The following PACRG variants were observed in gnomAD, a reference collection of about 807,000 sequenced individuals.
PACRG encodes the protein parkin coregulated gene protein.
A neutral mutation model predicts 29.7 loss-of-function variants in PACRG; 29 were observed. That is an observed-to-expected ratio of 0.98 (90% confidence interval 0.73 to 1.33). PACRG has a LOEUF of 1.33. PACRG is among the 40% of genes most tolerant of loss of function. The pLI, the probability that PACRG is intolerant of heterozygous loss-of-function variation, is 0.00. For missense variants in PACRG, 279 were observed against 316.2 expected, an observed-to-expected ratio of 0.88 and a Z score of 0.89; for synonymous variants, 116 against 118.7, an observed-to-expected ratio of 0.98 and a Z score of 0.15.
At chr6:162,924,950 A>C (rs1301341551) in intron 2 of PACRG, among the ~76,000 whole-genome samples, 1 of 152,126 alleles carries the variant, frequency 6.6e-6, no homozygotes, top group Non-Finnish European at 1.5e-5. Context: ...AGAGAGAAGA[A>C]TGAAATAGAC....
intron 2 of PACRG, among the ~76,000 whole-genome samples, chr6:162,985,843 A>G (rs1175835584): frequency 1.3e-5 from 2 of 152,148 alleles, no homozygotes; most frequent in Non-Finnish European, 2.9e-5. Flanking sequence ...GAACTGGTAA[A>G]TGAATTCAGC....
At chr6:162,727,516 GCGGCGCGGGCCGGGGA>G, upstream of PACRG, 1 of 892,920 alleles carries the variant, frequency 1.1e-6, no homozygotes, top group Admixed American at 2.5e-5. Context: ...GGGGAGCCCG[GCGGCGCGGGCCGGGGA>G]CGGCACGGGC....
At chr6:162,746,681 C>G (rs1781010404) in intron 1 of PACRG, among the ~76,000 whole-genome samples, 1 of 152,162 alleles carries the variant, frequency 6.6e-6, no homozygotes, top group South Asian at 2.1e-4. Flanking sequence ...TCTCCCCTCC[C>G]CTCGGTGCTT....
intron 1 of PACRG, among the ~76,000 whole-genome samples, chr6:162,748,886 A>G (rs1781300825): frequency 6.6e-6 from 1 of 152,234 alleles, no homozygotes; most frequent in South Asian, 2.1e-4. Context: ...AAGCCTTGAC[A>G]GCAATCAAGA....
At chr6:162,803,146 G>A (rs546216869) in intron 1 of PACRG, among the ~76,000 whole-genome samples, 2 of 152,238 alleles carry the variant, frequency 1.3e-5, no homozygotes, top group Admixed American at 6.5e-5. Context: ...TTCACAGTAG[G>A]GATGTGGTTT....
chr6:163,149,512 C>T (rs935150316), intron 4 of PACRG, among the ~76,000 whole-genome samples: 2 of 152,154 alleles, frequency 1.3e-5, no homozygotes, highest in African/African-American at 4.8e-5. Context: ...CTTTTCTATC[C>T]ACCGCGAGCT....
At chr6:162,933,844 C>T (rs1211403237) in intron 2 of PACRG, among the ~76,000 whole-genome samples, 2 of 152,038 alleles carry the variant, frequency 1.3e-5, no homozygotes, top group Admixed American at 6.6e-5. Context: ...AGGCTACTTT[C>T]ATCATGGTGG....
At chr6:162,944,792 G>T (rs1292384580) in intron 2 of PACRG, among the ~76,000 whole-genome samples, 1 of 151,536 alleles carries the variant, frequency 6.6e-6, no homozygotes, top group East Asian at 1.9e-4. Context: ...AAAGGAAAAA[G>T]GATTAAAAAA....
chr6:163,024,663 G>A (rs1020005556), intron 2 of PACRG, among the ~76,000 whole-genome samples: 1 of 152,142 alleles, frequency 6.6e-6, no homozygotes, highest in African/African-American at 2.4e-5. Context: ...GATTTGGACA[G>A]TATGACCATT....
At chr6:162,784,852 G>C (rs57596205) in intron 1 of PACRG, among the ~76,000 whole-genome samples, 6,529 of 152,192 alleles carry the variant, frequency 0.043, 472 homozygotes, top group African/African-American at 0.15. Flanking sequence ...GACATTACAA[G>C]AAAGAGGTGA....
rs1791068046 is a variant in PACRG, at chr6:162,853,099, G to A, written c.291+38818G>A. Among the ~76,000 whole-genome samples the A allele has an allele frequency of 1.3e-5, 2 of 152,186 alleles. No homozygotes were observed. The highest frequency in any genetic ancestry group is 2.9e-5 in the Non-Finnish European group (2 of 68,040). ...GATTTCCTTCTTTTGTAAAGCGGCA[G>A]AACTATTGTGAAAGGGGAGTAGAGA... On this transcript the variant is annotated intron_variant, in intron 2 of 4. Coordinates refer to ENST00000366888, the MANE Select transcript of PACRG (RefSeq NM_001080379.2). This position sits in a 1 kb window ranked among gnomAD's most constrained non-coding sequence, Gnocchi z 4.7.
At chr6:163,163,583 T>G (rs2128342963) in intron 4 of PACRG, among the ~76,000 whole-genome samples, 1 of 152,336 alleles carries the variant, frequency 6.6e-6, no homozygotes, top group East Asian at 1.9e-4. Context: ...TCAGCTCCAC[T>G]TTTGAGCTAG....
chr6:162,772,665 T>A (rs1783311478), intron 1 of PACRG, among the ~76,000 whole-genome samples: 1 of 152,080 alleles, frequency 6.6e-6, no homozygotes, highest in Non-Finnish European at 1.5e-5. Flanking sequence ...AAGTGGTGAA[T>A]GATGAGGAGT....
intron 4 of PACRG, chr6:163,183,521 T>A (rs1481378532): frequency 6.6e-6 from 1 of 151,924 alleles, no homozygotes; most frequent in East Asian, 1.9e-4. Flanking sequence ...TGTCAGCTCT[T>A]CCCATCAGTG....
chr6:162,737,328 C>T (rs1007901639), intron 1 of PACRG, among the ~76,000 whole-genome samples: 2 of 152,120 alleles, frequency 1.3e-5, no homozygotes, highest in Admixed American at 6.6e-5. Flanking sequence ...ATTGTAATCA[C>T]TTGAAAGATT....
intron 3 of PACRG, among the ~76,000 whole-genome samples, chr6:163,072,788 T>G (rs1812193320): frequency 6.6e-6 from 1 of 152,122 alleles, no homozygotes; most frequent in South Asian, 2.1e-4. Flanking sequence ...CAAACAAAAA[T>G]CATTAGCATT....
intron 4 of PACRG, among the ~76,000 whole-genome samples, chr6:163,110,044 A>G (rs1449670545): frequency 6.6e-6 from 1 of 152,214 alleles, no homozygotes; most frequent in Non-Finnish European, 1.5e-5. Context: ...GAGATACTAT[A>G]TGCTGGTAGC....
intron 1 of PACRG, among the ~76,000 whole-genome samples, chr6:162,790,676 C>G (rs540994240): frequency 2.1e-3 from 321 of 152,266 alleles, no homozygotes; most frequent in Non-Finnish European, 3.3e-3. Flanking sequence ...GATTTTCCCT[C>G]TGCACAAAAT....
intron 4 of PACRG, chr6:163,095,429 A>G (rs768583685): frequency 1.8e-4 from 176 of 984,892 alleles, no homozygotes; most frequent in Non-Finnish European, 2.0e-4. Flanking sequence ...CCAGCTCTGA[A>G]GGCTGTGTCT....
Sources: allele counts gnomAD v4.1 joint callset (sites outside exome capture counted in the v4.1 genomes callset), GRCh38; gene constraint gnomAD v4.1.1; non-coding constraint Gnocchi (gnomAD v3.1); transcripts MANE v1.5; gene names NCBI Gene and HGNC (gene_info 2026-07-23, HGNC 2026-07-21).